Variants in CUL3 observed in about 807,000 individuals in gnomAD.
CUL3 encodes the protein cullin-3.
CUL3 carries 19 observed loss-of-function variants against 89.1 expected under a neutral mutation model. That is an observed-to-expected ratio of 0.21 (90% CI 0.15 to 0.31). The LOEUF (loss-of-function observed/expected upper bound fraction) is 0.31, where lower values mean the gene tolerates loss of function less well. CUL3 is among the 10% of genes least tolerant of loss of function. The pLI, the probability that CUL3 is intolerant of heterozygous loss-of-function variation, is 1.00. For synonymous variants in CUL3, 351 were observed against 308.4 expected (o/e 1.14, Z -1.45); for missense variants, 469 against 942.3 (o/e 0.50, Z 6.58).
At chr2:224,517,139 T>A (rs1693083681) in intron 3 of CUL3, among the ~76,000 whole-genome samples, 1 of 152,188 alleles carries the variant, frequency 6.6e-6, no homozygotes, top group Non-Finnish European at 1.5e-5. Context: ...ACACATTTGA[T>A]TTTTCTAAGT....
chr2:224,570,187 T>C (rs923348022), intron 1 of CUL3, among the ~76,000 whole-genome samples: 3 of 152,164 alleles, frequency 2.0e-5, no homozygotes, highest in Non-Finnish European at 4.4e-5. Flanking sequence ...CAGTTAATGA[T>C]AAGGAGTCTT....
At chr2:224,538,664 G>C (rs1693979757) in intron 2 of CUL3, among the ~76,000 whole-genome samples, 1 of 152,110 alleles carries the variant, frequency 6.6e-6, no homozygotes, top group African/African-American at 2.4e-5. Flanking sequence ...ATAAAGAGTT[G>C]GAATTTGAGG....
At chr2:224,536,420 G>C (rs1559189960) in intron 2 of CUL3, among the ~76,000 whole-genome samples, 3 of 151,972 alleles carry the variant, frequency 2.0e-5, no homozygotes. Context: ...CATACAATTT[G>C]TTTTTTGTCA....
At chr2:224,534,559 AG>A (rs1693813690) in intron 3 of CUL3, among the ~76,000 whole-genome samples, 1 of 152,240 alleles carries the variant, frequency 6.6e-6, no homozygotes. Flanking sequence ...ACAACTCTTA[AG>A]GAGATGTTAA....
intron 3 of CUL3, among the ~76,000 whole-genome samples, chr2:224,523,033 G>C (rs1425700301): frequency 6.6e-6 from 1 of 151,978 alleles, no homozygotes; most frequent in Non-Finnish European, 1.5e-5. Flanking sequence ...ATAATCTAGA[G>C]GTCAGAGGGA....
rs377108936 is a variant in CUL3, at chr2:224,543,364, T to C, written c.265-7723A>G. Among the ~76,000 whole-genome samples the C allele has an allele frequency of 7.8e-4, 118 of 152,242 alleles. 1 individual carries two copies. Among genetic ancestry groups the C allele is most frequent in the African/African-American group, 2.6e-3 (107 of 41,552 alleles). On this transcript the variant is annotated intron_variant, in intron 2 of 15. Coordinates refer to ENST00000264414, the MANE Select transcript of CUL3 (RefSeq NM_003590.5). ...ATTAAAAACATAAAATGAGACATAA[T>C]AACATGGAGCACATCCTAATTATAC... is the stretch of plus-strand genomic sequence containing the variant.
At chr2:224,492,266 A>T (rs1692012770) in intron 13 of CUL3, among the ~76,000 whole-genome samples, 1 of 152,152 alleles carries the variant, frequency 6.6e-6, no homozygotes, top group African/African-American at 2.4e-5. Context: ...GTTAGTCAAT[A>T]AATTTGTAAG....
intron 2 of CUL3, among the ~76,000 whole-genome samples, chr2:224,543,513 T>G (rs181288430): frequency 3.3e-5 from 5 of 152,326 alleles, no homozygotes; most frequent in Admixed American, 2.0e-4. Context: ...TGAATATCAC[T>G]TATCCAAAAC....
chr2:224,543,994 A>C lies in CUL3; in HGVS notation c.265-8353T>G, dbSNP rs548420834. On this transcript the variant is annotated intron_variant, in intron 2 of 15. Coordinates refer to ENST00000264414, the MANE Select transcript of CUL3 (RefSeq NM_003590.5). ...AGTGAGACCCCTCCCATTTCAAAAA[A>C]AAAAAGAAAAAAGTTTCAGATTTTG... 1.2e-4 allele frequency among the ~76,000 whole-genome samples: 19 copies of C among 152,244 alleles called. No individual in the cohort carries two copies. In the East Asian group the frequency reaches 3.1e-3, roughly 25 times the overall value.
chr2:224,563,378 G>A, intron 1 of CUL3: 1 of 415,854 alleles, frequency 2.4e-6, no homozygotes, highest in East Asian at 7.5e-5. Flanking sequence ...GTACATGCAG[G>A]GTTCTAAAAC....
At chr2:224,517,426 A>G (rs1471708037) in intron 3 of CUL3, among the ~76,000 whole-genome samples, 1 of 152,156 alleles carries the variant, frequency 6.6e-6, no homozygotes, top group Non-Finnish European at 1.5e-5. Flanking sequence ...TAATCCCAGC[A>G]CTTTGGGAGG....
At chr2:224,502,815 G>A in intron 10 of CUL3, 150 bp downstream of exon 10, 1 of 601,284 alleles carries the variant, frequency 1.7e-6, no homozygotes, top group Non-Finnish European at 2.9e-6. Context: ...AAGAGGCAAT[G>A]TGAAGGAAAA....
intron 1 of CUL3, among the ~76,000 whole-genome samples, chr2:224,578,305 T>C (rs565265042): frequency 5.9e-5 from 9 of 152,298 alleles, no homozygotes; most frequent in African/African-American, 1.7e-4. Context: ...TTAAAAACTA[T>C]GTTTTCAAAA....
intron 3 of CUL3, among the ~76,000 whole-genome samples, chr2:224,533,568 G>C (rs1029612058): frequency 3.9e-5 from 6 of 152,114 alleles, no homozygotes; most frequent in East Asian, 1.9e-4. Context: ...TTCTTCTTTT[G>C]TCAAAAGAAT....
At chr2:224,579,543 G>A (rs1157476951) in intron 1 of CUL3, among the ~76,000 whole-genome samples, 2 of 151,916 alleles carry the variant, frequency 1.3e-5, no homozygotes, top group Non-Finnish European at 2.9e-5. Context: ...CTGTTCTTAA[G>A]TATATCACAA....
chr2:224,528,875 T>C (rs1227579162), intron 3 of CUL3, among the ~76,000 whole-genome samples: 1 of 152,082 alleles, frequency 6.6e-6, no homozygotes, highest in African/African-American at 2.4e-5. Flanking sequence ...ATTTGCAGAA[T>C]ACCTTTCAGA....
At chr2:224,558,660 T>C (rs1231749373) in intron 1 of CUL3, among the ~76,000 whole-genome samples, 1 of 152,076 alleles carries the variant, frequency 6.6e-6, no homozygotes, top group African/African-American at 2.4e-5. Flanking sequence ...AGAAACAGAA[T>C]CGACATTTTA....
intron 2 of CUL3, among the ~76,000 whole-genome samples, chr2:224,542,448 C>T (rs1339034515): frequency 1.3e-5 from 2 of 152,084 alleles, no homozygotes; most frequent in African/African-American, 4.8e-5. Flanking sequence ...ACCTGAGCCT[C>T]CCAAGTAGCT....
chr2:224,503,943 C>T (rs1034246051), intron 8 of CUL3, 121 bp from the exon 9 acceptor site: 6 of 701,900 alleles, frequency 8.5e-6, no homozygotes, highest in Non-Finnish European at 1.3e-5. Flanking sequence ...TGACATACAT[C>T]AAAAAAAGGG....
Sources: gnomAD v4.1 joint callset for allele counts (sites outside exome capture counted in the v4.1 genomes callset) on GRCh38, gnomAD v4.1.1 for gene constraint, MANE v1.5 for transcripts, NCBI Gene and HGNC (gene_info 2026-07-23, HGNC 2026-07-21) for gene names.